The following G2E3 variants were observed in gnomAD, a reference collection of about 807,000 sequenced individuals.
G2E3 encodes G2/M phase-specific E3 ubiquitin-protein ligase.
Under a neutral mutation model 92.8 loss-of-function variants are expected in G2E3, and 35 were observed. The observed-to-expected ratio is 0.38, with a 90% CI of 0.29 to 0.50. The LOEUF (loss-of-function observed/expected upper bound fraction) is 0.50, where lower values mean the gene tolerates loss of function less well. G2E3 is among the 20% of genes least tolerant of loss of function. G2E3 has a pLI of 0.94. For synonymous variants in G2E3, 242 were observed against 272.4 expected, an observed-to-expected ratio of 0.89 and a Z score of 1.10; for missense variants, 554 against 823.8, an observed-to-expected ratio of 0.67 and a Z score of 4.01.
chr14:30,580,916 G>C (rs1211913677), intron 1 of G2E3, 160 bp from the exon 2 acceptor site: 6 of 583,766 alleles, frequency 1.0e-5, no homozygotes, highest in Non-Finnish European at 1.9e-5. Flanking sequence ...TAACACCCCA[G>C]TTGAGAACTA....
chr14:30,600,553 T>C (rs546593281), intron 8 of G2E3, among the ~76,000 whole-genome samples: 1 of 152,316 alleles, frequency 6.6e-6, no homozygotes, highest in Admixed American at 6.5e-5. Context: ...ATTCATAATA[T>C]TGATATTTTT....
intron 1 of G2E3, among the ~76,000 whole-genome samples, chr14:30,566,677 T>C (rs1396680647): frequency 6.6e-6 from 1 of 152,190 alleles, no homozygotes; most frequent in African/African-American, 2.4e-5. Flanking sequence ...CTTCTTTGAA[T>C]AGAGTTACTT....
At chr14:30,573,850 C>T (rs567973552) in intron 1 of G2E3, among the ~76,000 whole-genome samples, 17 of 152,264 alleles carry the variant, frequency 1.1e-4, no homozygotes, top group African/African-American at 3.9e-4. Context: ...ACAGACACAT[C>T]CAAACATAAG....
At chr14:30,565,871 C>T (rs961634696) in intron 1 of G2E3, among the ~76,000 whole-genome samples, 1 of 151,786 alleles carries the variant, frequency 6.6e-6, no homozygotes, top group Non-Finnish European at 1.5e-5. Context: ...ACCATGTTAT[C>T]CAGGATGGTC....
chr14:30,581,950 ATTATTC>A (rs1880458548), intron 2 of G2E3, among the ~76,000 whole-genome samples: 1 of 152,192 alleles, frequency 6.6e-6, no homozygotes, highest in African/African-American at 2.4e-5. Context: ...AAATTAAAAT[ATTATTC>A]TTACAACTCT....
chr14:30,616,307 A>G lies in G2E3; in HGVS notation c.1894A>G (p.Ile632Val). 6.2e-7 allele frequency: 1 copy of G among 1,609,116 alleles called. No homozygotes were observed. Among genetic ancestry groups the G allele is most frequent in the East Asian group, 2.2e-5 (1 of 44,798 alleles). Residue 632 changes from isoleucine (I) to valine (V), a missense_variant, in exon 15 of 15, where the codon ATT becomes GTT. By Grantham distance (29) the Ile-to-Val change is conservative. Coordinates refer to ENST00000206595, the MANE Select transcript of G2E3 (RefSeq NM_017769.5). ...TAAATCTACAACAACAATGGAAGAC[A>G]TTCTTATTTTTGCAACTGGTTGCAG... ...DGKSTTTMED[I>V]LIFATGCSSI...
chr14:30,568,497 T>C (rs1315256760), intron 1 of G2E3, among the ~76,000 whole-genome samples: 1 of 152,102 alleles, frequency 6.6e-6, no homozygotes, highest in Non-Finnish European at 1.5e-5. Context: ...TATTGCCTTT[T>C]GTTTAATTGA....
At chr14:30,572,433 G>A (rs1190318099) in intron 1 of G2E3, among the ~76,000 whole-genome samples, 2 of 152,112 alleles carry the variant, frequency 1.3e-5, no homozygotes, top group Non-Finnish European at 2.9e-5. Context: ...ATTGACATTT[G>A]TCAGATGCCC....
At chr14:30,566,668 T>G (rs1385519445) in intron 1 of G2E3, among the ~76,000 whole-genome samples, 1 of 152,226 alleles carries the variant, frequency 6.6e-6, no homozygotes, top group East Asian at 1.9e-4. Flanking sequence ...AGATCATGCC[T>G]TCTTTGAATA....
rs752391136 is a variant in G2E3, at chr14:30,618,375, A to G, written c.*1841A>G. ...TAAAAAGATATTTGTTTCTTTATCCACCTTATTTTTATTACAGCTAAAAAC... is the reference window on the plus strand; with the variant it reads ...TAAAAAGATATTTGTTTCTTTATCCGCCTTATTTTTATTACAGCTAAAAAC... On this transcript the variant is annotated 3_prime_UTR_variant, in exon 15 of 15. Coordinates refer to ENST00000206595, the MANE Select transcript of G2E3 (RefSeq NM_017769.5). 2.0e-5 allele frequency: 3 copies of G among 152,072 alleles called. No homozygotes were observed. Among genetic ancestry groups the G allele is most frequent in the Non-Finnish European group, 2.9e-5 (2 of 67,954 alleles). The allele number at this position is 152,072 out of a possible 1,614,324, so 9.4% of individuals were successfully genotyped here. A position where few individuals can be genotyped will look rare whatever the true frequency, so the allele number is the denominator to read the frequency against.
At chr14:30,599,755 A>C (rs535738844) in intron 8 of G2E3, among the ~76,000 whole-genome samples, 9 of 151,874 alleles carry the variant, frequency 5.9e-5, no homozygotes, top group Non-Finnish European at 1.2e-4. Flanking sequence ...GGAAATAAAA[A>C]TATATGTTAT....
chr14:30,568,027 A>G (rs75583958), intron 1 of G2E3, among the ~76,000 whole-genome samples: 8,822 of 152,096 alleles, frequency 0.058, 326 homozygotes, highest in African/African-American at 0.092. Context: ...AGTGTTCTGT[A>G]TATGTTAAGT....
At chr14:30,580,623 A>G (rs1392028368) in intron 1 of G2E3, among the ~76,000 whole-genome samples, 2 of 152,242 alleles carry the variant, frequency 1.3e-5, no homozygotes, top group African/African-American at 2.4e-5. Context: ...AATTAAATAG[A>G]AATTTCCTTG....
chr14:30,563,323 T>C (rs887571027), intron 1 of G2E3, among the ~76,000 whole-genome samples: 2 of 152,170 alleles, frequency 1.3e-5, no homozygotes, highest in Admixed American at 6.5e-5. Context: ...TGCCCAACAA[T>C]GTAGGGACAT....
chr14:30,591,509 A>G (rs1881009737), intron 4 of G2E3, among the ~76,000 whole-genome samples: 1 of 152,142 alleles, frequency 6.6e-6, no homozygotes, highest in African/African-American at 2.4e-5. Context: ...CAAAGTGTCA[A>G]AAGGGTTCCT....
rs1881917868 is a variant in G2E3, at chr14:30,608,119, T to G, written c.1500+50T>G. On this transcript the variant is annotated intron_variant, in intron 12 of 14. Transcript: ENST00000206595. ...AATGCACACTACATTCTAGGTATCTTTTAATGTAAATGACTGATCTGCAAT... is the reference window on the plus strand; with the variant it reads ...AATGCACACTACATTCTAGGTATCTGTTAATGTAAATGACTGATCTGCAAT... 3 of 1,064,710 alleles carry G rather than the reference T, an allele frequency of 2.8e-6. No homozygotes were observed. The African/African-American group carries it at 4.9e-5, about 17-fold the overall frequency. 66.0% of individuals were successfully genotyped at this position (1,064,710 alleles called of 1,614,324 possible). A position where few individuals can be genotyped will look rare whatever the true frequency, so the allele number is the denominator to read the frequency against.
At position 30,618,928 on chromosome 14, in the gene G2E3, C is replaced by T. The variant is rs900505218; in HGVS notation, c.*2394C>T. 6.6e-6 allele frequency: 1 copy of T among 151,884 alleles called. No homozygotes were observed. The highest frequency in any genetic ancestry group is 2.4e-5 in the African/African-American group (1 of 41,396). The allele number at this position is 151,884 out of a possible 1,614,324, so 9.4% of individuals were successfully genotyped here. ...GTGTACATATATTTCTTAAATATTGCAATTGCCTAAATGTTGTATATTTTA... is the reference window on the plus strand; with the variant it reads ...GTGTACATATATTTCTTAAATATTGTAATTGCCTAAATGTTGTATATTTTA... On this transcript the variant is annotated 3_prime_UTR_variant, in exon 15 of 15. Coordinates refer to ENST00000206595, the MANE Select transcript of G2E3 (RefSeq NM_017769.5).
chr14:30,613,585 C>T (rs565700063), intron 13 of G2E3, among the ~76,000 whole-genome samples: 1 of 152,178 alleles, frequency 6.6e-6, no homozygotes, highest in African/African-American at 2.4e-5. Flanking sequence ...TTCACAACCA[C>T]AGTCTGGATG....
rs1881900406 is a variant in G2E3 at position 30,607,785 on chromosome 14, T to A, written c.1319-103T>A. 8.9e-6 allele frequency: 5 copies of A among 564,150 alleles called. No homozygotes were observed. The South Asian group carries it at 1.4e-4, about 16-fold the overall frequency. 34.9% of individuals were successfully genotyped at this position (564,150 alleles called of 1,614,324 possible). A position where few individuals can be genotyped will look rare whatever the true frequency, so the allele number is the denominator to read the frequency against. ...ATAATGATAGCTTCTAAGAATTATATTTATCTAATGCTTAGATTTTTGGAC... is the reference window on the plus strand; with the variant it reads ...ATAATGATAGCTTCTAAGAATTATAATTATCTAATGCTTAGATTTTTGGAC... On this transcript the variant is annotated intron_variant, in intron 11 of 14. Coordinates refer to ENST00000206595, the MANE Select transcript of G2E3 (RefSeq NM_017769.5).
Sources: gnomAD v4.1 joint callset for allele counts (sites outside exome capture counted in the v4.1 genomes callset) on GRCh38, gnomAD v4.1.1 for gene constraint, MANE v1.5 for transcripts, NCBI Gene and HGNC (gene_info 2026-07-23, HGNC 2026-07-21) for gene names.